Variants in LTBP3 observed in about 807,000 individuals in gnomAD.
The protein encoded by LTBP3 is latent-transforming growth factor beta-binding protein 3.
A neutral mutation model predicts 159.7 loss-of-function variants in LTBP3; 97 were observed. The ratio of observed to expected loss-of-function variants is 0.61; its 90% CI spans 0.52 to 0.72. The LOEUF (loss-of-function observed/expected upper bound fraction) is 0.72. Ranked by LOEUF, LTBP3 falls within the 30% of genes least tolerant of loss-of-function variation. LTBP3 has a pLI of 0.00. For synonymous variants in LTBP3, 824 were observed against 777.1 expected (o/e 1.06, Z -1.00); for missense variants, 1,584 against 1,864.3 (o/e 0.85, Z 2.77).
rs369277746 is a variant in LTBP3 at position 65,551,490 on chromosome 11, G to A, written c.1549-16C>T. ...CACTCACCGGCTGCGGGTGACAGCA[G>A]CATGAGCCCTCCTGTCCCTCGCCTG... On this transcript the variant is annotated splice_polypyrimidine_tract_variant and intron_variant, in intron 9 of 27. Coordinates refer to ENST00000301873, the MANE Select transcript of LTBP3 (RefSeq NM_001130144.3). 8 of 1,614,058 alleles carry A rather than the reference G, an allele frequency of 5.0e-6. No homozygotes were observed. Among genetic ancestry groups the A allele is most frequent in the Non-Finnish European group, 5.9e-6 (7 of 1,180,020 alleles).
At chr11:65,548,444 C>A in intron 11 of LTBP3, 1 of 418,436 alleles carries the variant, frequency 2.4e-6, no homozygotes, top group Non-Finnish European at 4.4e-6. Context: ...CTCGGTCACA[C>A]CAGTGTCCTC....
chr11:65,540,048 G>C lies in LTBP3; in HGVS notation c.3350C>G (p.Ser1117Cys). ...ECRPPWVPGP[S>C]GRDCQLPESP... The stretch of plus-strand genomic sequence containing the variant: ...CTCGGGGAGCTGGCAATCGCGGCCG[G>C]AGGGCCCGGGCACCCAGGGCGGGCG... Residue 1117 changes from serine to cysteine, a missense_variant, in exon 24 of 28, where the codon TCC becomes TGC. This residue lies in a region of LTBP3 where 514 missense variants were observed against 530.3 expected (regional missense o/e 0.97). Transcript: ENST00000301873. 6.6e-6 allele frequency: 10 copies of C among 1,517,926 alleles called. No homozygotes were observed. The highest frequency in any genetic ancestry group is 8.8e-6 in the Non-Finnish European group (10 of 1,138,598). The allele number at this position is 1,517,926 out of a possible 1,614,324, so 94.0% of individuals were successfully genotyped here. A position where few individuals can be genotyped will look rare whatever the true frequency, so the allele number is the denominator to read the frequency against.
rs1335050541 is a variant in LTBP3 at position 65,540,088 on chromosome 11, A to G, written c.3310T>C (p.Tyr1104His). ...CAGGGCGGGCGACACTCGCAGCGGT[A>G]GGAGCCCGGCAGGTTGACGCAGCGG... ...PGRCVNLPGS[Y>H]RCECRPPWVP... The change falls in exon 24 of 28, where the codon TAC becomes CAC. Residue 1104 changes from tyrosine to histidine, a missense_variant. Physicochemically the swap from Tyr to His is moderately conservative, Grantham distance 83 (BLOSUM62 2). Coordinates refer to ENST00000301873, the MANE Select transcript of LTBP3 (RefSeq NM_001130144.3). 6.6e-7 allele frequency: 1 copy of G among 1,525,790 alleles called. No individual in the cohort carries two copies. Among genetic ancestry groups the G allele is most frequent in the Admixed American group, 2.0e-5 (1 of 50,372 alleles). The allele number at this position is 1,525,790 out of a possible 1,614,324, so 94.5% of individuals were successfully genotyped here. A position where few individuals can be genotyped will look rare whatever the true frequency, so the allele number is the denominator to read the frequency against.
intron 8 of LTBP3, 82 bp from the exon 9 acceptor site, chr11:65,551,646 A>C: frequency 6.4e-6 from 10 of 1,556,898 alleles, no homozygotes; most frequent in Non-Finnish European, 8.9e-6. Flanking sequence ...GAGTATTTGC[A>C]GTTAGGGTCT....
At chr11:65,541,377 C>T in intron 19 of LTBP3, 84 bp from the exon 20 acceptor site, 1 of 1,535,670 alleles carries the variant, frequency 6.5e-7, no homozygotes, top group Admixed American at 1.7e-5. Flanking sequence ...GGTCTTTCCC[C>T]CCACATTCCC....
chr11:65,544,901 T>C (rs1411924325), intron 16 of LTBP3: 1 of 152,380 alleles, frequency 6.6e-6, no homozygotes, highest in East Asian at 1.9e-4. Flanking sequence ...AAGCCCCACT[T>C]TGGAAGAGCA....
At position 65,554,228 on chromosome 11, in the gene LTBP3, C is replaced by G. The variant is rs772888154; in HGVS notation, c.484G>C (p.Gly162Arg). ...GGSGPGLSRT[G>R]ALSTGALPPL... ...GGCAGCGCCCCTGTGGACAGGGCCCCTGTCCTGCTCAGGCCGGGGCCTGAG... is the reference window on the plus strand; with the variant it reads ...GGCAGCGCCCCTGTGGACAGGGCCCGTGTCCTGCTCAGGCCGGGGCCTGAG... Residue 162 changes from glycine (G) to arginine (R), a missense_variant, in exon 2 of 28, where the codon GGG becomes CGG. Physicochemically the swap from Gly to Arg is moderately radical, Grantham distance 125 (BLOSUM62 -2). This residue lies in a region of LTBP3 where 194 missense variants were observed against 198.7 expected (regional missense o/e 0.98). Coordinates refer to ENST00000301873, the MANE Select transcript of LTBP3 (RefSeq NM_001130144.3). The surrounding 1 kb of genome is among the most constrained non-coding windows in gnomAD (Gnocchi z 5.3). 1.2e-6 allele frequency: 2 copies of G among 1,609,660 alleles called. No homozygotes were observed. Among genetic ancestry groups the G allele is most frequent in the South Asian group, 2.2e-5 (2 of 90,998 alleles).
intron 1 of LTBP3, among the ~76,000 whole-genome samples, 154 bp downstream of exon 1, chr11:65,557,475 C>T (rs1856849074): frequency 6.6e-6 from 1 of 152,036 alleles, no homozygotes; most frequent in East Asian, 1.9e-4. Context: ...GTTCCAGCCT[C>T]CCAAGTTCCC....
Position 65,546,549 on chromosome 11 carries a change from G to C in LTBP3, c.2246C>G (p.Ala749Gly), listed in dbSNP as rs756402873. 1.2e-6 allele frequency: 2 copies of C among 1,602,364 alleles called. No homozygotes were observed. Among genetic ancestry groups the C allele is most frequent in the Non-Finnish European group, 1.7e-6 (2 of 1,179,428 alleles). ...GGACRDVNEC[A>G]EGSPCSPGWC... Reference sequence around the variant, plus strand: ...GCCAGGCGAGCAGGGGCTGCCCTCGGCGCACTCGTTCACGTCTGCGGCGGA... The same window carrying C: ...GCCAGGCGAGCAGGGGCTGCCCTCGCCGCACTCGTTCACGTCTGCGGCGGA... The change falls in exon 16 of 28, where the codon GCC becomes GGC. Residue 749 changes from alanine (A) to glycine (G), a missense_variant. Physicochemically the swap from Ala to Gly is moderately conservative, Grantham distance 60. Coordinates refer to ENST00000301873, the MANE Select transcript of LTBP3 (RefSeq NM_001130144.3). This position sits in a 1 kb window ranked among gnomAD's most constrained non-coding sequence, Gnocchi z 4.0.
chr11:65,545,199 G>A (rs1032545346), intron 16 of LTBP3: 5 of 186,230 alleles, frequency 2.7e-5, no homozygotes, highest in Non-Finnish European at 5.7e-5. Flanking sequence ...CCCCTCAGGC[G>A]CCCCTGCCAT....
In LTBP3 at chr11:65,547,826, GAAGAACGGGTAGGCC is replaced by G; in HGVS notation, c.1847-20_1847-6del. On this transcript the variant is annotated splice_polypyrimidine_tract_variant and splice_region_variant and intron_variant, in intron 12 of 27. Transcript: ENST00000301873. The surrounding 1 kb of genome is among the most constrained non-coding windows in gnomAD (Gnocchi z 4.6). ...CTGCCTCGCACTCGTTCACATCTGA[GAAGAACGGGTAGGCC>G]AAGAAAAGTCAAAGGAAGCGTCGTT... is the stretch of plus-strand genomic sequence containing the variant. 1 of 1,613,330 alleles carries G rather than the reference GAAGAACGGGTAGGCC, an allele frequency of 6.2e-7. No homozygotes were observed.
chr11:65,552,406 G>C lies in LTBP3; in HGVS notation c.1187C>G (p.Ala396Gly). The C allele has an allele frequency of 6.2e-7, 1 of 1,612,952 alleles. No homozygotes were observed. The change falls in exon 7 of 28, where the codon GCA becomes GGA. Residue 396 changes from alanine (A) to glycine (G), a missense_variant and splice_region_variant. Physicochemically the swap from Ala to Gly is moderately conservative, Grantham distance 60. Coordinates refer to ENST00000301873, the MANE Select transcript of LTBP3 (RefSeq NM_001130144.3). This position sits in a 1 kb window ranked among gnomAD's most constrained non-coding sequence, Gnocchi z 6.0. ...CAGGCTCTTCTCCTCCGGTTTGTCT[G>C]CTGCAGGGGCCAGTGGGGGGCATGG... ...SLGPSRTQCI[A>G]DKPEEKSLCF...
chr11:65,547,856 G>T lies in LTBP3; in HGVS notation c.1847-35C>A. The stretch of plus-strand genomic sequence containing the variant: ...ACGGGTAGGCCAAGAAAAGTCAAAG[G>T]AAGCGTCGTTATCTGGGGTCCCCCC... On this transcript the variant is annotated intron_variant, in intron 12 of 27. Coordinates refer to ENST00000301873, the MANE Select transcript of LTBP3 (RefSeq NM_001130144.3). This position sits in a 1 kb window ranked among gnomAD's most constrained non-coding sequence, Gnocchi z 4.6. The T allele has an allele frequency of 1.2e-6, 2 of 1,613,196 alleles. No homozygotes were observed. Among genetic ancestry groups the T allele is most frequent in the East Asian group, 4.5e-5 (2 of 44,872 alleles).
Position 65,551,545 on chromosome 11 carries a change from C to T in LTBP3, c.1548+3G>A, listed in dbSNP as rs770145897. On this transcript the variant is annotated splice_donor_region_variant and intron_variant, in intron 9 of 27. Coordinates refer to ENST00000301873, the MANE Select transcript of LTBP3 (RefSeq NM_001130144.3). ...CCCCTCCCATCTGGGTTCTCATACT[C>T]ACTGAGTCCGTGGTCACCCCTAAAA... The T allele has an allele frequency of 3.1e-6, 5 of 1,614,094 alleles. No homozygotes were observed. The East Asian group carries it at 1.1e-4, about 36-fold the overall frequency.
chr11:65,540,434 T>A (rs1423230004), intron 22 of LTBP3, 52 bp from the exon 23 acceptor site: 1 of 1,609,482 alleles, frequency 6.2e-7, no homozygotes, highest in South Asian at 1.1e-5. Flanking sequence ...ATGGGCGCGG[T>A]GGCGCGTGTC....
chr11:65,546,450 C>G lies in LTBP3; in HGVS notation c.2345G>C (p.Ser782Thr). The G allele has an allele frequency of 1.3e-6, 2 of 1,564,046 alleles. No individual in the cohort carries two copies. Among genetic ancestry groups the G allele is most frequent in the Non-Finnish European group, 1.7e-6 (2 of 1,162,286 alleles). The change falls in exon 16 of 28, where the codon AGT becomes ACT. Residue 782 changes from serine (S) to threonine (T), a missense_variant. This residue lies in a region of LTBP3 where 565 missense variants were observed against 677.7 expected (regional missense o/e 0.83). Coordinates refer to ENST00000301873, the MANE Select transcript of LTBP3 (RefSeq NM_001130144.3). This position sits in a 1 kb window ranked among gnomAD's most constrained non-coding sequence, Gnocchi z 4.0. The stretch of plus-strand genomic sequence containing the variant: ...GGGGTGCTGGCGCTCACCCAAGCAA[C>G]TGCGGCCGTCGGGCGCGGGCGCGTA... The part of the protein sequence containing the change: ...QGYAPAPDGR[S>T]CLDVDECEAG...
intron 18 of LTBP3, 141 bp downstream of exon 18, chr11:65,542,963 TG>T: frequency 9.3e-7 from 1 of 1,072,092 alleles, no homozygotes; most frequent in Non-Finnish European, 1.4e-6. Flanking sequence ...GATGGATGGA[TG>T]GATGGATGGA....
rs1351198442 is a variant in LTBP3 at position 65,539,069 on chromosome 11, C to T, written c.*11G>A. 2.2e-6 allele frequency: 3 copies of T among 1,368,070 alleles called. No individual in the cohort carries two copies. Among genetic ancestry groups the T allele is most frequent in the African/African-American group, 1.5e-5 (1 of 64,700 alleles). The allele number at this position is 1,368,070 out of a possible 1,614,324, so 84.7% of individuals were successfully genotyped here. On this transcript the variant is annotated 3_prime_UTR_variant, in exon 28 of 28. Transcript: ENST00000301873. ...TCACCGAGGTCTGGGCCGAGGGCGG[C>T]GTCGGCGGCGTCAGCGGCGGCGCTG... is the stretch of plus-strand genomic sequence containing the variant.
Position 65,546,068 on chromosome 11 carries a change from C to T in LTBP3, c.2353+374G>A. On this transcript the variant is annotated intron_variant, in intron 16 of 27. Transcript: ENST00000301873. This position sits in a 1 kb window ranked among gnomAD's most constrained non-coding sequence, Gnocchi z 4.0. ...AGCCCAGCTCCATCCAGGCCCAGCA[C>T]TGCATGCTACAGTCTGTCTTTCCTT... is the stretch of plus-strand genomic sequence containing the variant. 3.5e-6 allele frequency: 1 copy of T among 289,258 alleles called. No individual in the cohort carries two copies. The highest frequency in any genetic ancestry group is 6.6e-6 in the Non-Finnish European group (1 of 151,702). 17.9% of individuals were successfully genotyped at this position (289,258 alleles called of 1,614,324 possible).
Sources: allele counts gnomAD v4.1 joint callset (sites outside exome capture counted in the v4.1 genomes callset), GRCh38; gene constraint gnomAD v4.1.1; regional missense constraint gnomAD v4.1.1; non-coding constraint Gnocchi (gnomAD v3.1); transcripts MANE v1.5; gene names NCBI Gene and HGNC (gene_info 2026-07-23, HGNC 2026-07-21).